SHISA9: variants seen among roughly 807,000 people sequenced by gnomAD.
SHISA9 encodes shisa family member 9.
Under a neutral mutation model 38.0 loss-of-function variants are expected in SHISA9, and 13 were observed. The observed-to-expected ratio is 0.34, with a 90% CI of 0.22 to 0.54. SHISA9 has a LOEUF of 0.54. Among genes scored for constraint, SHISA9 ranks in the 20% least tolerant of loss-of-function variants. The probability of loss-of-function intolerance (pLI) is 0.91; values close to 1 mark genes in which losing one functional copy is unlikely to be tolerated. For missense variants in SHISA9, 538 were observed against 575.8 expected, an observed-to-expected ratio of 0.93 and a Z score of 0.67; for synonymous variants, 275 against 242.0, an observed-to-expected ratio of 1.14 and a Z score of -1.27.
chr16:13,263,232 G>A, the SHISA9 span, among the ~76,000 whole-genome samples: 1 of 152,140 alleles, frequency 6.6e-6, no homozygotes, highest in Non-Finnish European at 1.5e-5. Flanking sequence ...GTGGTCATGG[G>A]ATTTGTGGAT....
chr16:13,353,818 G>A, the SHISA9 span, among the ~76,000 whole-genome samples: 5 of 152,140 alleles, frequency 3.3e-5, no homozygotes, highest in East Asian at 3.9e-4. Context: ...TCGTGAAGAC[G>A]GAGGACCGTA....
intron 2 of SHISA9, among the ~76,000 whole-genome samples, chr16:13,076,388 C>T (rs182723941): frequency 6.6e-6 from 1 of 152,300 alleles, no homozygotes; most frequent in East Asian, 1.9e-4. Flanking sequence ...TATTCTAAAT[C>T]TGAGCAGCTT....
chr16:13,526,985 A>T, the SHISA9 span, among the ~76,000 whole-genome samples: 758 of 152,266 alleles, frequency 5.0e-3, 9 homozygotes, highest in African/African-American at 0.017. Context: ...TCTAAGAAGA[A>T]GGAAATGCCC....
At chr16:13,451,161 T>C in the SHISA9 span, among the ~76,000 whole-genome samples, 2 of 152,188 alleles carry the variant, frequency 1.3e-5, no homozygotes, top group Non-Finnish European at 2.9e-5. Context: ...TTCTCAGTGG[T>C]GGTACGTCTG....
chr16:13,546,987 C>A, the SHISA9 span, among the ~76,000 whole-genome samples: 1 of 152,218 alleles, frequency 6.6e-6, no homozygotes, highest in Non-Finnish European at 1.5e-5. Context: ...CATCCTCACC[C>A]TGGGCCAACA....
chr16:13,049,049 G>C (rs1352255943), intron 2 of SHISA9, among the ~76,000 whole-genome samples: 1 of 152,036 alleles, frequency 6.6e-6, no homozygotes, highest in Admixed American at 6.6e-5. Flanking sequence ...GCAGAGAAAA[G>C]TAACTTAAAA....
chr16:13,234,911 G>T lies in SHISA9; in HGVS notation c.896-119G>T. 4 of 1,231,398 alleles carry T rather than the reference G, an allele frequency of 3.2e-6. No homozygotes were observed. The South Asian group carries it at 4.8e-5, about 15-fold the overall frequency. The allele number at this position is 1,231,398 out of a possible 1,614,324, so 76.3% of individuals were successfully genotyped here. A position where few individuals can be genotyped will look rare whatever the true frequency, so the allele number is the denominator to read the frequency against. ...GTTTCTAGTGTGTCTTGTTTGGACT[G>T]TTGGCCCATTTTTATGCTGTTCTTG... On this transcript the variant is annotated intron_variant, in intron 4 of 4. Transcript: ENST00000558583.
At position 13,235,468 on chromosome 16, in the gene SHISA9, C is replaced by T. The variant is rs1044091841; in HGVS notation, c.*59C>T. 4 of 1,474,024 alleles carry T rather than the reference C, an allele frequency of 2.7e-6. No individual in the cohort carries two copies. The highest frequency in any genetic ancestry group is 2.5e-5 in the East Asian group (1 of 40,390). 91.3% of individuals were successfully genotyped at this position (1,474,024 alleles called of 1,614,324 possible). Reference sequence around the variant, plus strand: ...CTCAACTGAGAGAGGCAAAAAACAACCCCGCCCACACCCTCCCCATCCTCC... The same window carrying T: ...CTCAACTGAGAGAGGCAAAAAACAATCCCGCCCACACCCTCCCCATCCTCC... On this transcript the variant is annotated 3_prime_UTR_variant, in exon 5 of 5. Coordinates refer to ENST00000558583, the MANE Select transcript of SHISA9 (RefSeq NM_001145204.3).
At chr16:13,367,712 G>A in the SHISA9 span, among the ~76,000 whole-genome samples, 20,383 of 104,076 alleles carry the variant, frequency 0.2, 1,751 homozygotes, top group African/African-American at 0.22. Flanking sequence ...GCGCGCGCGC[G>A]CACACACACA....
intron 2 of SHISA9, among the ~76,000 whole-genome samples, chr16:13,107,472 GACACACACACACACACACACAC>G (rs34291803): frequency 2.8e-5 from 4 of 144,438 alleles, no homozygotes; most frequent in South Asian, 2.3e-4. Flanking sequence ...AAAAACAACA[GACACACACACACACACACACAC>G]ACACACACAC....
the SHISA9 span, among the ~76,000 whole-genome samples, chr16:13,362,526 A>G: frequency 6.6e-6 from 1 of 152,214 alleles, no homozygotes; most frequent in Non-Finnish European, 1.5e-5. Flanking sequence ...GAAAGATGGC[A>G]TCTGAACTGG....
chr16:13,053,095 C>A (rs2073271388), intron 2 of SHISA9, among the ~76,000 whole-genome samples: 1 of 151,656 alleles, frequency 6.6e-6, no homozygotes, highest in Non-Finnish European at 1.5e-5. Context: ...TCCCGAGAAC[C>A]TGGGATTACA....
the SHISA9 span, among the ~76,000 whole-genome samples, chr16:13,368,332 C>T: frequency 6.6e-6 from 1 of 152,078 alleles, no homozygotes; most frequent in Admixed American, 6.5e-5. Context: ...TACTTCTCCA[C>T]GGGGGTTCAA....
the SHISA9 span, among the ~76,000 whole-genome samples, chr16:13,533,759 A>C: frequency 6.7e-6 from 1 of 149,594 alleles, no homozygotes; most frequent in Non-Finnish European, 1.5e-5. Flanking sequence ...ATAAGTCTAT[A>C]TGCATGCTAC....
chr16:13,185,625 C>T (rs543173243), intron 2 of SHISA9, among the ~76,000 whole-genome samples: 2 of 152,324 alleles, frequency 1.3e-5, no homozygotes, highest in African/African-American at 4.8e-5. Flanking sequence ...TTTTAATAAC[C>T]TCACATGTGT....
chr16:13,426,313 G>A, the SHISA9 span, among the ~76,000 whole-genome samples: 1 of 152,098 alleles, frequency 6.6e-6, no homozygotes, highest in African/African-American at 2.4e-5. Flanking sequence ...ACAGAAAACT[G>A]CAGTGTCAAG....
rs2071634899 is a variant in SHISA9 at position 12,943,221 on chromosome 16, T to C, written c.691+26406T>C. Reference sequence around the variant, plus strand: ...GTATCCACTGTTGGAGTGGGTGGGGTCAACTCCACCCAAATCTCACAGGTT... The same window carrying C: ...GTATCCACTGTTGGAGTGGGTGGGGCCAACTCCACCCAAATCTCACAGGTT... On this transcript the variant is annotated intron_variant, in intron 2 of 4. Transcript: ENST00000558583. 2.0e-5 allele frequency among the ~76,000 whole-genome samples: 3 copies of C among 149,854 alleles called. No homozygotes were observed. The Admixed American group carries it at 2.0e-4, about 10-fold the overall frequency.
chr16:13,139,394 T>TTCCTTCCTTCCTTCCTTCC (rs2050378798), intron 2 of SHISA9, among the ~76,000 whole-genome samples: 5 of 94,992 alleles, frequency 5.3e-5, no homozygotes, highest in African/African-American at 2.3e-4. Flanking sequence ...CCCTTCCTTC[T>TTCCTTCCTTCCTTCCTTCC]TTCCTTCCTT....
intron 2 of SHISA9, among the ~76,000 whole-genome samples, chr16:13,140,231 C>T (rs1300604419): frequency 6.8e-6 from 1 of 148,058 alleles, no homozygotes; most frequent in Middle Eastern, 3.4e-3. Context: ...GGCTGGAGTG[C>T]AATGATACCA....
Sources: allele counts gnomAD v4.1 joint callset (sites outside exome capture counted in the v4.1 genomes callset), GRCh38; gene constraint gnomAD v4.1.1; transcripts MANE v1.5; gene names NCBI Gene and HGNC (gene_info 2026-07-23, HGNC 2026-07-21).